ESRRG: variants seen among roughly 807,000 people sequenced by gnomAD.
The protein encoded by ESRRG is estrogen related receptor gamma.
In ESRRG, 13 loss-of-function variants were observed where a neutral mutation model predicts 44.0. That is an observed-to-expected ratio of 0.30 (90% CI 0.19 to 0.47). The LOEUF (loss-of-function observed/expected upper bound fraction) is 0.47. Ranked by LOEUF, ESRRG falls within the 20% of genes least tolerant of loss-of-function variation. The pLI, the probability that ESRRG is intolerant of heterozygous loss-of-function variation, is 1.00. For synonymous variants in ESRRG, 215 were observed against 214.6 expected, an observed-to-expected ratio of 1.00 and a Z score of -0.02; for missense variants, 395 against 580.6, an observed-to-expected ratio of 0.68 and a Z score of 3.29.
At chr1:217,075,683 A>G (rs1274954237) in intron 1 of ESRRG, among the ~76,000 whole-genome samples, 2 of 151,476 alleles carry the variant, frequency 1.3e-5, no homozygotes, top group Non-Finnish European at 2.9e-5. Flanking sequence ...ATGAGATCAC[A>G]GTATTAACCA....
At chr1:216,824,605 G>A (rs192661613) in intron 2 of ESRRG, among the ~76,000 whole-genome samples, 4 of 152,182 alleles carry the variant, frequency 2.6e-5, no homozygotes, top group Admixed American at 6.5e-5. Flanking sequence ...TTATAATTGG[G>A]TTTTAATGCA....
chr1:216,633,800 T>C (rs1196234777), intron 3 of ESRRG, among the ~76,000 whole-genome samples: 1 of 152,244 alleles, frequency 6.6e-6, no homozygotes, highest in African/African-American at 2.4e-5. Flanking sequence ...CATTTTATTC[T>C]GAGAAAGCAT....
rs968926766 is a variant in ESRRG at position 216,705,302 on chromosome 1, C to T, written c.56+17942G>A. 4.6e-5 allele frequency among the ~76,000 whole-genome samples: 7 copies of T among 150,832 alleles called. No homozygotes were observed. The East Asian group carries it at 9.7e-4, about 21-fold the overall frequency. ...AAAATATTCTGAATGGCCACATAAA[C>T]GAATATAATTGACATAGAAATTATT... On this transcript the variant is annotated intron_variant, in intron 1 of 6. Transcript: ENST00000408911.
At chr1:216,897,038 G>T (rs1356618275) in intron 2 of ESRRG, among the ~76,000 whole-genome samples, 1 of 152,190 alleles carries the variant, frequency 6.6e-6, no homozygotes, top group East Asian at 1.9e-4. Context: ...AAGGGCATTT[G>T]CTGTGGAGGG....
intron 2 of ESRRG, among the ~76,000 whole-genome samples, chr1:216,654,493 G>T (rs1463398756): frequency 6.6e-6 from 1 of 152,062 alleles, no homozygotes; most frequent in Non-Finnish European, 1.5e-5. Context: ...GCCAGGTGTG[G>T]TGGTGCATGC....
At chr1:216,738,042 A>T (rs1416022042) in intron 2 of ESRRG, among the ~76,000 whole-genome samples, 1 of 149,970 alleles carries the variant, frequency 6.7e-6, no homozygotes, top group East Asian at 2.0e-4. Flanking sequence ...CCAAAGCTCA[A>T]CAGTGATCAT....
chr1:216,547,509 G>A (rs1226206503), intron 5 of ESRRG, among the ~76,000 whole-genome samples: 1 of 151,390 alleles, frequency 6.6e-6, no homozygotes, highest in Non-Finnish European at 1.5e-5. Flanking sequence ...ACAATTAATT[G>A]TCCAGAGGCA....
intron 1 of ESRRG, among the ~76,000 whole-genome samples, chr1:217,031,151 A>G (rs1237577777): frequency 6.6e-6 from 1 of 152,224 alleles, no homozygotes; most frequent in African/African-American, 2.4e-5. Context: ...TTATTTTAAA[A>G]AAAACTATGT....
chr1:216,639,604 C>T (rs2065980689), intron 3 of ESRRG, among the ~76,000 whole-genome samples: 2 of 152,154 alleles, frequency 1.3e-5, no homozygotes, highest in South Asian at 4.1e-4. Flanking sequence ...TTTACACATT[C>T]TACTCCTTAA....
chr1:216,578,566 G>A (rs1455529955), intron 3 of ESRRG, among the ~76,000 whole-genome samples: 1 of 151,880 alleles, frequency 6.6e-6, no homozygotes, highest in Non-Finnish European at 1.5e-5. Flanking sequence ...CAATTAGAAG[G>A]ATACTCTAAA....
chr1:216,684,940 T>G (rs980509807), intron 1 of ESRRG, among the ~76,000 whole-genome samples: 1 of 152,210 alleles, frequency 6.6e-6, no homozygotes, highest in African/African-American at 2.4e-5. Flanking sequence ...ACTGCTCAAC[T>G]ACATGACGCC....
chr1:216,540,140 T>C (rs2052270190), intron 5 of ESRRG, among the ~76,000 whole-genome samples: 1 of 152,044 alleles, frequency 6.6e-6, no homozygotes, highest in Non-Finnish European at 1.5e-5. Context: ...GAGGTAGCCT[T>C]GTGAGCCTTC....
At chr1:217,080,835 G>A (rs1038210227) in intron 1 of ESRRG, among the ~76,000 whole-genome samples, 9 of 151,916 alleles carry the variant, frequency 5.9e-5, no homozygotes, top group African/African-American at 2.2e-4. Context: ...CCGCCATCAT[G>A]ACCAGTTAAT....
Position 217,024,754 on chromosome 1 carries a change from T to C in ESRRG, c.-106+64753A>G, listed in dbSNP as rs915848123. Among the ~76,000 whole-genome samples, 7 of 152,168 alleles carry C rather than the reference T, an allele frequency of 4.6e-5. No individual in the cohort carries two copies. The East Asian group carries it at 1.2e-3, about 25-fold the overall frequency. On this transcript the variant is annotated intron_variant, in intron 1 of 7. Transcript: ENST00000359162. Reference sequence around the variant, plus strand: ...AATAAGCACTTGTTATACCAGGAACTATTCTGAGAGCTTTAATATTCACCA... The same window carrying C: ...AATAAGCACTTGTTATACCAGGAACCATTCTGAGAGCTTTAATATTCACCA...
intron 1 of ESRRG, among the ~76,000 whole-genome samples, chr1:217,080,985 T>C (rs1304772564): frequency 6.6e-6 from 1 of 151,880 alleles, no homozygotes; most frequent in African/African-American, 2.4e-5. Context: ...CCCCAGTTTC[T>C]AGGTTTAACA....
At chr1:216,523,263 C>T (rs777412546) in intron 5 of ESRRG, among the ~76,000 whole-genome samples, 1 of 152,106 alleles carries the variant, frequency 6.6e-6, no homozygotes. Flanking sequence ...GACTCTCTAC[C>T]TTGACCCGCA....
intron 1 of ESRRG, 44 bp downstream of exon 1, chr1:216,723,200 C>T (rs760996149): frequency 1.5e-5 from 22 of 1,504,840 alleles, no homozygotes; most frequent in Non-Finnish European, 1.9e-5. Context: ...CCCACCCCCG[C>T]ACCCCCACGA....
chr1:217,131,801 G>C (rs2092970711), intron 1 of ESRRG, among the ~76,000 whole-genome samples: 1 of 152,202 alleles, frequency 6.6e-6, no homozygotes, highest in Non-Finnish European at 1.5e-5. Flanking sequence ...AAAGTATCAA[G>C]TTAATTGAAA....
intron 2 of ESRRG, among the ~76,000 whole-genome samples, chr1:216,741,465 T>TAC (rs932154245): frequency 2.0e-4 from 23 of 113,658 alleles, no homozygotes; most frequent in Admixed American, 7.0e-4. Flanking sequence ...CCCCTACACA[T>TAC]ACACACACAC....
Sources: allele counts gnomAD v4.1 joint callset (sites outside exome capture counted in the v4.1 genomes callset), GRCh38; gene constraint gnomAD v4.1.1; transcripts MANE v1.5; gene names NCBI Gene and HGNC (gene_info 2026-07-23, HGNC 2026-07-21).